Variants in TCF20 observed in about 807,000 individuals in gnomAD.
TCF20 encodes transcription factor 20.
Under a neutral mutation model 148.6 loss-of-function variants are expected in TCF20, and 3 were observed. The observed-to-expected ratio is 0.02, with a 90% CI of 0.01 to 0.05. TCF20 has a LOEUF of 0.05. Among genes scored for constraint, TCF20 ranks in the 10% least tolerant of loss-of-function variants. TCF20 has a pLI of 1.00. For synonymous variants in TCF20, 1,049 were observed against 909.5 expected (o/e 1.15, Z -2.76); for missense variants, 2,350 against 2,429.3 (o/e 0.97, Z 0.69).
chr22:42,272,884 G>A (rs184732541), upstream of TCF20, among the ~76,000 whole-genome samples: 7 of 152,318 alleles, frequency 4.6e-5, no homozygotes, highest in Admixed American at 3.9e-4. Flanking sequence ...TCACTGGGCC[G>A]GGTGTGGTGG....
At chr22:42,248,523 C>T (rs1316804813) in intron 1 of TCF20, among the ~76,000 whole-genome samples, 2 of 152,204 alleles carry the variant, frequency 1.3e-5, no homozygotes, top group Non-Finnish European at 2.9e-5. Flanking sequence ...TGATTTACTA[C>T]ATCAGTGATT....
chr22:42,241,656 A>C (rs1404789294), intron 1 of TCF20, among the ~76,000 whole-genome samples: 1 of 152,130 alleles, frequency 6.6e-6, no homozygotes, highest in African/African-American at 2.4e-5. Flanking sequence ...GTGAAACTCC[A>C]TCTCTACTAA....
chr22:42,299,109 G>A lies in TCF20; in HGVS notation c.-37+44370C>T, dbSNP rs779538221. On this transcript the variant is annotated intron_variant, in intron 1 of 1. Transcript: ENST00000515426. The surrounding 1 kb of genome is among the most constrained non-coding windows in gnomAD (Gnocchi z 4.1). ...CCAGACCCCTGCTGTGGAGGGGAAC[G>A]GAGACCTGGAGGGGTACCCCCAAAA... is the stretch of plus-strand genomic sequence containing the variant. 4.6e-5 allele frequency among the ~76,000 whole-genome samples: 7 copies of A among 152,162 alleles called. No individual in the cohort carries two copies. The highest frequency in any genetic ancestry group is 7.2e-5 in the African/African-American group (3 of 41,432).
At chr22:42,165,108 G>C (rs1036859758) in intron 5 of TCF20, among the ~76,000 whole-genome samples, 3 of 152,240 alleles carry the variant, frequency 2.0e-5, no homozygotes, top group African/African-American at 7.2e-5. Flanking sequence ...GCCTGGGCTG[G>C]GGCTGGTGGG....
rs543308118 is a variant in TCF20, at chr22:42,292,595, G to A, written c.-37+50884C>T. 3.9e-5 allele frequency among the ~76,000 whole-genome samples: 6 copies of A among 152,252 alleles called. No individual in the cohort carries two copies. The highest frequency in any genetic ancestry group is 7.4e-5 in the Non-Finnish European group (5 of 68,018). ...GAGATGCCAGAAGAGTGGGCAGCACGGTGGCCTGGATAAATCCCAGAAGGC... is the reference window on the plus strand; with the variant it reads ...GAGATGCCAGAAGAGTGGGCAGCACAGTGGCCTGGATAAATCCCAGAAGGC... On this transcript the variant is annotated intron_variant, in intron 1 of 1. Transcript: ENST00000515426. This position sits in a 1 kb window ranked among gnomAD's most constrained non-coding sequence, Gnocchi z 4.9.
At chr22:42,166,595 T>TGA (rs1487896793) in intron 5 of TCF20, among the ~76,000 whole-genome samples, 2 of 126,294 alleles carry the variant, frequency 1.6e-5, no homozygotes, top group African/African-American at 6.3e-5. Flanking sequence ...GGCGACAAAG[T>TGA]GAGAATCCGT....
intron 4 of TCF20, among the ~76,000 whole-genome samples, chr22:42,169,631 GATCCTC>G (rs1935998811): frequency 6.6e-6 from 1 of 152,136 alleles, no homozygotes; most frequent in African/African-American, 2.4e-5. Flanking sequence ...TTTCTCCTGG[GATCCTC>G]ATAATACTCC....
intron 2 of TCF20, among the ~76,000 whole-genome samples, chr22:42,193,029 A>G (rs1937414708): frequency 6.6e-6 from 1 of 152,194 alleles, no homozygotes. Context: ...TATCCTCAAG[A>G]AAGTTTTAGA....
chr22:42,243,240 C>T (rs1386851166), intron 1 of TCF20, among the ~76,000 whole-genome samples: 1 of 132,742 alleles, frequency 7.5e-6, no homozygotes, highest in Non-Finnish European at 1.5e-5. Flanking sequence ...CTCAAGGTTA[C>T]TGCGAGCTAT....
At chr22:42,216,186 T>C (rs569932944) in intron 1 of TCF20, among the ~76,000 whole-genome samples, 153 of 139,160 alleles carry the variant, frequency 1.1e-3, no homozygotes, top group African/African-American at 3.9e-3. Flanking sequence ...AACACCTGGC[T>C]TCAAATGATC....
At chr22:42,289,356 C>CA (rs1369028829) in intron 1 of TCF20, among the ~76,000 whole-genome samples, 5 of 152,118 alleles carry the variant, frequency 3.3e-5, no homozygotes, top group Non-Finnish European at 7.3e-5. Flanking sequence ...GCCCAAAGAG[C>CA]AGAGACAAAG....
At chr22:42,264,106 T>C (rs936162671) in intron 1 of TCF20, among the ~76,000 whole-genome samples, 12 of 152,048 alleles carry the variant, frequency 7.9e-5, no homozygotes, top group Non-Finnish European at 1.0e-4. Context: ...CTCCTGGCTA[T>C]GGTTAACAAA....
At chr22:42,312,963 G>C (rs1350487654) in intron 1 of TCF20, among the ~76,000 whole-genome samples, 1 of 152,126 alleles carries the variant, frequency 6.6e-6, no homozygotes, top group Non-Finnish European at 1.5e-5. Context: ...CAGTACTGGG[G>C]GTGGCTCACT....
intron 1 of TCF20, among the ~76,000 whole-genome samples, chr22:42,265,106 C>T (rs1351445718): frequency 6.6e-6 from 1 of 152,200 alleles, no homozygotes; most frequent in Non-Finnish European, 1.5e-5. Context: ...CTGGGTCACG[C>T]ATATTACCCA....
At chr22:42,242,814 G>C (rs1435854494) in intron 1 of TCF20, among the ~76,000 whole-genome samples, 2 of 152,100 alleles carry the variant, frequency 1.3e-5, no homozygotes, top group Admixed American at 6.5e-5. Context: ...TTGAACCCAG[G>C]AGGCAGAGGT....
At chr22:42,234,332 C>T (rs996390232) in intron 1 of TCF20, among the ~76,000 whole-genome samples, 9 of 152,208 alleles carry the variant, frequency 5.9e-5, no homozygotes, top group Admixed American at 5.2e-4. Context: ...CATAGGTCAA[C>T]CTGTCAAATG....
At chr22:42,254,835 G>C (rs1364456136) in intron 1 of TCF20, among the ~76,000 whole-genome samples, 1 of 151,746 alleles carries the variant, frequency 6.6e-6, no homozygotes, top group Non-Finnish European at 1.5e-5. Flanking sequence ...GGTGGAGGCG[G>C]GCGCCTGTAG....
intron 4 of TCF20, among the ~76,000 whole-genome samples, chr22:42,169,530 A>G (rs1935992670): frequency 6.6e-6 from 1 of 152,198 alleles, no homozygotes; most frequent in East Asian, 1.9e-4. Context: ...TTGGGGTTCT[A>G]TTCACCTCAA....
At chr22:42,187,923 C>T (rs968435285) in intron 2 of TCF20, among the ~76,000 whole-genome samples, 1 of 152,262 alleles carries the variant, frequency 6.6e-6, no homozygotes, top group East Asian at 1.9e-4. Context: ...AGGTCTAAGA[C>T]GCAGCTGGGG....
Sources: allele counts gnomAD v4.1 joint callset (sites outside exome capture counted in the v4.1 genomes callset), GRCh38; gene constraint gnomAD v4.1.1; non-coding constraint Gnocchi (gnomAD v3.1); transcripts MANE v1.5; gene names NCBI Gene and HGNC (gene_info 2026-07-23, HGNC 2026-07-21).